ATP9B: variants seen among roughly 807,000 people sequenced by gnomAD.
ATP9B encodes probable phospholipid-transporting ATPase IIB.
In ATP9B, 110 loss-of-function variants were observed where a neutral mutation model predicts 146.1. The ratio of observed to expected loss-of-function variants is 0.75; its 90% CI spans 0.65 to 0.88. The LOEUF (loss-of-function observed/expected upper bound fraction) is 0.88, where lower values mean the gene tolerates loss of function less well. Among genes scored for constraint, ATP9B ranks in the 40% least tolerant of loss-of-function variants. The pLI is 0.00. For synonymous variants in ATP9B, 604 were observed against 569.7 expected, an observed-to-expected ratio of 1.06 and a Z score of -0.86; for missense variants, 1,499 against 1,496.4, an observed-to-expected ratio of 1.00 and a Z score of -0.03.
At chr18:79,083,254 C>A (rs1217303130) in intron 1 of ATP9B, among the ~76,000 whole-genome samples, 3 of 152,200 alleles carry the variant, frequency 2.0e-5, no homozygotes, top group Non-Finnish European at 4.4e-5. Flanking sequence ...ACGCCCCTTG[C>A]CCCACCAAGC....
intron 28 of ATP9B, 66 bp downstream of exon 28, chr18:79,374,167 G>A (rs1600500676): frequency 6.6e-7 from 1 of 1,521,492 alleles, no homozygotes; most frequent in African/African-American, 1.4e-5. Flanking sequence ...TTTTCTTATT[G>A]TTGCTTCTGA....
In ATP9B at chr18:79,375,612, G is replaced by C. The variant is rs2097098192; in HGVS notation, c.3307+186G>C. ...GTCATGGGCTGAGTGCTGTTGGCTT[G>C]CCTGTTCAGGGGCTTGGTGGCCCTG... is the stretch of plus-strand genomic sequence containing the variant. On this transcript the variant is annotated intron_variant, in intron 29 of 29. Transcript: ENST00000426216. The C allele has an allele frequency of 7.1e-6, 7 of 985,336 alleles. No individual in the cohort carries two copies. The South Asian group carries it at 2.8e-4, about 40-fold the overall frequency. The allele number at this position is 985,336 out of a possible 1,614,324, so 61.0% of individuals were successfully genotyped here.
intron 5 of ATP9B, among the ~76,000 whole-genome samples, chr18:79,135,036 C>CA (rs2147298314): frequency 6.6e-6 from 1 of 152,098 alleles, no homozygotes; most frequent in African/African-American, 2.4e-5. Flanking sequence ...TTTTTTCCCC[C>CA]ACAAATGCTC....
At chr18:79,185,886 A>G (rs8093565) in intron 8 of ATP9B, among the ~76,000 whole-genome samples, 85,423 of 151,996 alleles carry the variant, frequency 0.56, 25,751 homozygotes, top group African/African-American at 0.79. Context: ...CTAAGAACTC[A>G]TCTGGAAGAG....
At chr18:79,209,342 C>T (rs912379656) in intron 10 of ATP9B, among the ~76,000 whole-genome samples, 1 of 152,218 alleles carries the variant, frequency 6.6e-6, no homozygotes, top group Non-Finnish European at 1.5e-5. Flanking sequence ...AAGAATCATT[C>T]GTGAAGATAG....
At chr18:79,094,672 C>T (rs1279105879) in intron 1 of ATP9B, among the ~76,000 whole-genome samples, 1 of 152,208 alleles carries the variant, frequency 6.6e-6, no homozygotes, top group Non-Finnish European at 1.5e-5. Flanking sequence ...GGGTGGGTTT[C>T]TTCTGGAGTT....
At chr18:79,270,254 G>A (rs1033505336) in intron 12 of ATP9B, among the ~76,000 whole-genome samples, 9 of 152,172 alleles carry the variant, frequency 5.9e-5, no homozygotes, top group Non-Finnish European at 8.8e-5. Context: ...ATTCTTGCGC[G>A]TTCATTTATA....
chr18:79,160,163 C>T (rs1204823384), intron 7 of ATP9B, among the ~76,000 whole-genome samples: 1 of 152,140 alleles, frequency 6.6e-6, no homozygotes. Flanking sequence ...CCCATCATTT[C>T]TATTATAATG....
At chr18:79,104,117 G>A (rs769591184) in intron 2 of ATP9B, among the ~76,000 whole-genome samples, 44 of 152,112 alleles carry the variant, frequency 2.9e-4, no homozygotes, top group Non-Finnish European at 6.0e-4. Context: ...ATAAGGACGC[G>A]TGGCCCGAAG....
intron 5 of ATP9B, among the ~76,000 whole-genome samples, chr18:79,126,671 AC>A (rs1320190648): frequency 4.6e-5 from 7 of 152,348 alleles, no homozygotes; most frequent in African/African-American, 1.4e-4. Context: ...ATTGGTATAT[AC>A]GTATTTTCTG....
intron 15 of ATP9B, among the ~76,000 whole-genome samples, chr18:79,327,898 AGC>A (rs2096766712): frequency 7.8e-6 from 1 of 128,364 alleles, no homozygotes; most frequent in Non-Finnish European, 1.6e-5. Context: ...CTCCGTGGTT[AGC>A]GTGCTCTCCG....
chr18:79,221,494 G>A (rs1383920400), intron 11 of ATP9B, among the ~76,000 whole-genome samples: 1 of 152,210 alleles, frequency 6.6e-6, no homozygotes, highest in African/African-American at 2.4e-5. Context: ...CTCAAGGCAG[G>A]CAGATCACTT....
chr18:79,327,565 C>CGTGGTTAACGTGCCCTCT (rs2096758627), intron 15 of ATP9B, among the ~76,000 whole-genome samples: 2 of 119,380 alleles, frequency 1.7e-5, no homozygotes, highest in African/African-American at 6.7e-5. Flanking sequence ...GCGTGCTCTC[C>CGTGGTTAACGTGCCCTCT]GTGGTTAGCG....
chr18:79,334,926 C>T (rs1320007643), intron 17 of ATP9B, among the ~76,000 whole-genome samples: 2 of 152,166 alleles, frequency 1.3e-5, no homozygotes, highest in South Asian at 2.1e-4. Context: ...TGCCTTGTTC[C>T]GGGTAGGAGA....
At chr18:79,327,565 C>T (rs1238876936) in intron 15 of ATP9B, among the ~76,000 whole-genome samples, 11 of 119,394 alleles carry the variant, frequency 9.2e-5, no homozygotes, top group East Asian at 2.5e-4. Context: ...GCGTGCTCTC[C>T]GTGGTTAGCG....
intron 4 of ATP9B, among the ~76,000 whole-genome samples, chr18:79,123,418 A>G (rs2094223970): frequency 6.6e-6 from 1 of 152,222 alleles, no homozygotes; most frequent in African/African-American, 2.4e-5. Flanking sequence ...AATAAGTGGA[A>G]AGTCATGTTC....
chr18:79,248,395 C>T, intron 11 of ATP9B, among the ~76,000 whole-genome samples: 1 of 152,150 alleles, frequency 6.6e-6, no homozygotes, highest in East Asian at 1.9e-4. Flanking sequence ...TCTTAAGATT[C>T]TACTAGCAGT....
chr18:79,078,652 T>G (rs538206404), intron 1 of ATP9B, among the ~76,000 whole-genome samples: 1 of 151,426 alleles, frequency 6.6e-6, no homozygotes, highest in East Asian at 1.9e-4. Flanking sequence ...CCACTTAAAG[T>G]GTATAGTTCA....
chr18:79,090,718 C>G (rs566298373), intron 1 of ATP9B, among the ~76,000 whole-genome samples: 1 of 152,136 alleles, frequency 6.6e-6, no homozygotes, highest in African/African-American at 2.4e-5. Flanking sequence ...ATATTTTCCC[C>G]CATTCTGTGG....
Sources: gnomAD v4.1 joint callset for allele counts (sites outside exome capture counted in the v4.1 genomes callset) on GRCh38, gnomAD v4.1.1 for gene constraint, MANE v1.5 for transcripts, NCBI Gene and HGNC (gene_info 2026-07-23, HGNC 2026-07-21) for gene names.